Variants in GOLIM4 observed in about 807,000 individuals in gnomAD.
GOLIM4 encodes 130 kDa golgi-localized phosphoprotein.
GOLIM4 carries 71 observed loss-of-function variants against 107.4 expected under a neutral mutation model. That is an observed-to-expected ratio of 0.66 (90% CI 0.55 to 0.81). The LOEUF (loss-of-function observed/expected upper bound fraction) is 0.81, where lower values mean the gene tolerates loss of function less well. Ranked by LOEUF, GOLIM4 falls within the 30% of genes least tolerant of loss-of-function variation. The pLI, the probability that GOLIM4 is intolerant of heterozygous loss-of-function variation, is 0.00. For synonymous variants in GOLIM4, 327 were observed against 294.8 expected (o/e 1.11, Z -1.12); for missense variants, 830 against 826.1 (o/e 1.00, Z -0.06).
At chr3:168,029,357 T>C (rs1718181857) in intron 10 of GOLIM4, 55 bp from the exon 11 acceptor site, 1 of 1,041,674 alleles carries the variant, frequency 9.6e-7, no homozygotes, top group Admixed American at 1.8e-5. Flanking sequence ...GAGGCACAGT[T>C]TGACATAGGT....
At chr3:168,056,336 G>C (rs1719970391) in intron 1 of GOLIM4, among the ~76,000 whole-genome samples, 2 of 152,246 alleles carry the variant, frequency 1.3e-5, no homozygotes, top group Admixed American at 1.3e-4. Flanking sequence ...TGGATGCCCA[G>C]GCAGAAGTTT....
At chr3:168,065,903 A>C (rs1720521032) in intron 1 of GOLIM4, among the ~76,000 whole-genome samples, 1 of 152,256 alleles carries the variant, frequency 6.6e-6, no homozygotes. Flanking sequence ...TAGTAAAATA[A>C]AAGAGCTTAT....
In GOLIM4 at chr3:168,032,614, T is replaced by C; in HGVS notation, c.1082A>G (p.His361Arg). The C allele has an allele frequency of 6.2e-7, 1 of 1,613,996 alleles. No individual in the cohort carries two copies. The highest frequency in any genetic ancestry group is 1.1e-5 in the South Asian group (1 of 91,066). Reference protein sequence around the residue: ...VGQAEHLEEEHDPSPEEQDRE... With the variant: ...VGQAEHLEEERDPSPEEQDRE... ...ATCCTGCTCCTCTGGTGATGGATCG[T>C]GTTCCTCCTCAAGATGTTCTGCTTG... The change falls in exon 9 of 16, where the codon CAC becomes CGC. Residue 361 changes from histidine to arginine, a missense_variant. Physicochemically the swap from His to Arg is conservative, Grantham distance 29 (BLOSUM62 0). Transcript: ENST00000470487.
chr3:168,048,415 CTAAAAT>C, intron 1 of GOLIM4, 50 bp from the exon 2 acceptor site: 2 of 789,954 alleles, frequency 2.5e-6, no homozygotes, highest in African/African-American at 3.0e-5. Flanking sequence ...AAATTTAAAA[CTAAAAT>C]TAACATCAAT....
At chr3:168,043,558 A>G (rs377158975) in intron 4 of GOLIM4, 29 bp from the exon 5 acceptor site, 1 of 1,569,786 alleles carries the variant, frequency 6.4e-7, no homozygotes, top group African/African-American at 1.4e-5. Context: ...GAGTAGAAAT[A>G]TACATTCTCT....
intron 1 of GOLIM4, among the ~76,000 whole-genome samples, chr3:168,056,020 G>C (rs1403685136): frequency 6.6e-6 from 1 of 152,216 alleles, no homozygotes; most frequent in African/African-American, 2.4e-5. Flanking sequence ...TGTCTCCAGG[G>C]CATGTCAGAG....
chr3:168,023,491 G>A (rs1332064474), intron 14 of GOLIM4, among the ~76,000 whole-genome samples: 1 of 152,202 alleles, frequency 6.6e-6, no homozygotes, highest in Non-Finnish European at 1.5e-5. Context: ...AAATCAGTAA[G>A]AACAAGAAAG....
chr3:168,031,134 G>C (rs1282345594), intron 9 of GOLIM4, among the ~76,000 whole-genome samples: 1 of 152,154 alleles, frequency 6.6e-6, no homozygotes, highest in Non-Finnish European at 1.5e-5. Context: ...TCATGTAGGA[G>C]CTTAAAAAAG....
At chr3:168,062,268 T>C (rs528210049) in intron 1 of GOLIM4, among the ~76,000 whole-genome samples, 4 of 152,296 alleles carry the variant, frequency 2.6e-5, no homozygotes, top group Non-Finnish European at 5.9e-5. Context: ...GGAATCTCTG[T>C]CTGGTGCCAT....
chr3:168,071,642 G>C (rs574273303), intron 1 of GOLIM4, among the ~76,000 whole-genome samples: 13 of 150,914 alleles, frequency 8.6e-5, no homozygotes, highest in African/African-American at 2.4e-4. Flanking sequence ...GTAGGCCAGG[G>C]AGATGACCCA....
chr3:168,010,858 T>G (rs1482323976), intron 14 of GOLIM4, 35 bp from the exon 15 acceptor site: 1 of 1,385,478 alleles, frequency 7.2e-7, no homozygotes, highest in Non-Finnish European at 1.0e-6. Flanking sequence ...TAAACACTTT[T>G]GTCTTTCAAG....
At chr3:168,058,723 AG>A (rs1720107633) in intron 1 of GOLIM4, among the ~76,000 whole-genome samples, 1 of 152,198 alleles carries the variant, frequency 6.6e-6, no homozygotes, top group South Asian at 2.1e-4. Context: ...GAGAGCTGAG[AG>A]GAATAATATC....
intron 14 of GOLIM4, among the ~76,000 whole-genome samples, chr3:168,016,337 A>G (rs1013526610): frequency 5.2e-5 from 7 of 134,086 alleles, no homozygotes; most frequent in East Asian, 4.0e-4. Context: ...CAAAACCACA[A>G]TGAGATACCA....
At chr3:168,011,270 G>C in intron 14 of GOLIM4, among the ~76,000 whole-genome samples, 1 of 151,988 alleles carries the variant, frequency 6.6e-6, no homozygotes. Context: ...CCGAGTCAAA[G>C]AAAGGGGTGA....
rs753286796 is a variant in GOLIM4, at chr3:168,036,864, C to T, written c.815G>A (p.Arg272Lys). Residue 272 changes from arginine (R) to lysine (K), a missense_variant, in exon 8 of 16, where the codon AGG (arginine) becomes AAG (lysine). Arg to Lys is a conservative substitution (Grantham distance 26). Coordinates refer to ENST00000470487, the MANE Select transcript of GOLIM4 (RefSeq NM_014498.5). Reference sequence around the variant, plus strand: ...CTGCACCTCTCGGGTTGGCTTCTCCCTTGCTGTGTTGTAACCTTGTGGAGA... The same window carrying T: ...CTGCACCTCTCGGGTTGGCTTCTCCTTTGCTGTGTTGTAACCTTGTGGAGA... ...AHSPQGYNTA[R>K]EKPTREVQEV... 4.3e-6 allele frequency: 7 copies of T among 1,613,658 alleles called. No individual in the cohort carries two copies. In the Admixed American group the frequency reaches 1.0e-4, roughly 23 times the overall value.
At chr3:168,018,192 T>G (rs1466520129) in intron 14 of GOLIM4, among the ~76,000 whole-genome samples, 1 of 152,138 alleles carries the variant, frequency 6.6e-6, no homozygotes, top group Non-Finnish European at 1.5e-5. Context: ...AAAAATCACT[T>G]ATTTTGGTGG....
At chr3:168,092,608 T>C (rs1721970090) in intron 1 of GOLIM4, among the ~76,000 whole-genome samples, 1 of 152,222 alleles carries the variant, frequency 6.6e-6, no homozygotes, top group Non-Finnish European at 1.5e-5. Context: ...TCATTAATTC[T>C]GATCTTAATC....
intron 1 of GOLIM4, among the ~76,000 whole-genome samples, chr3:168,059,105 G>C (rs918074013): frequency 3.9e-5 from 6 of 152,102 alleles, no homozygotes; most frequent in Admixed American, 6.5e-5. Flanking sequence ...ACTATGAATA[G>C]TTTTCAAAAT....
chr3:168,078,367 C>T (rs1721174366), intron 1 of GOLIM4, among the ~76,000 whole-genome samples: 1 of 151,982 alleles, frequency 6.6e-6, no homozygotes, highest in Non-Finnish European at 1.5e-5. Flanking sequence ...CAAAGATCAC[C>T]ACTGCCCTTT....
Sources: allele counts gnomAD v4.1 joint callset (sites outside exome capture counted in the v4.1 genomes callset), GRCh38; gene constraint gnomAD v4.1.1; transcripts MANE v1.5; gene names NCBI Gene and HGNC (gene_info 2026-07-23, HGNC 2026-07-21).